Variants in SORCS2 observed in about 807,000 individuals in gnomAD.
SORCS2 encodes the protein VPS10 domain-containing receptor SorCS2.
A neutral mutation model predicts 141.6 loss-of-function variants in SORCS2; 100 were observed. That is an observed-to-expected ratio of 0.71 (90% CI 0.60 to 0.83). SORCS2 has a LOEUF of 0.83. SORCS2 is among the 40% of genes least tolerant of loss of function. The pLI is 0.00. For synonymous variants in SORCS2, 789 were observed against 676.9 expected (o/e 1.17, Z -2.57); for missense variants, 1,646 against 1,560.2 (o/e 1.05, Z -0.93).
intron 3 of SORCS2, among the ~76,000 whole-genome samples, chr4:7,629,874 G>C (rs571507919): frequency 1.3e-5 from 2 of 152,172 alleles, no homozygotes; most frequent in South Asian, 4.2e-4. Context: ...GCAACGCGCT[G>C]TCGGCCACCC....
intron 2 of SORCS2, chr4:7,430,262 CAA>C (rs150192047): frequency 0.018 from 2,656 of 144,748 alleles, 80 homozygotes; most frequent in African/African-American, 0.063. Context: ...AATTATTCAC[CAA>C]AAAAAAAAAA....
At chr4:7,634,535 A>G (rs749376006) in intron 3 of SORCS2, among the ~76,000 whole-genome samples, 3 of 152,248 alleles carry the variant, frequency 2.0e-5, no homozygotes, top group Non-Finnish European at 2.9e-5. Flanking sequence ...ATAAATATTT[A>G]TTAGCTCATA....
At chr4:7,564,724 C>T (rs555909115) in intron 3 of SORCS2, among the ~76,000 whole-genome samples, 24 of 152,344 alleles carry the variant, frequency 1.6e-4, no homozygotes, top group Non-Finnish European at 2.1e-4. Flanking sequence ...CTTGTTTCCA[C>T]GGCAGCCACA....
At position 7,379,554 on chromosome 4, in the gene SORCS2, T is replaced by C. The variant is rs6819290; in HGVS notation, c.481-16734T>C. 3.0e-3 allele frequency among the ~76,000 whole-genome samples: 457 copies of C among 152,314 alleles called. 2 individuals are homozygous for C. Among genetic ancestry groups the C allele is most frequent in the African/African-American group, 0.011 (443 of 41,564 alleles). On this transcript the variant is annotated intron_variant, in intron 1 of 26. Coordinates refer to ENST00000507866, the MANE Select transcript of SORCS2 (RefSeq NM_020777.3). ...GTTCACAAATGAGTTTCTTGTGTTA[T>C]CAGTTCCCCCACTAAACACCCTTCA... is the stretch of plus-strand genomic sequence containing the variant.
chr4:7,502,238 C>A (rs961313425), intron 2 of SORCS2, among the ~76,000 whole-genome samples: 3 of 152,160 alleles, frequency 2.0e-5, no homozygotes, highest in Admixed American at 2.0e-4. Context: ...CCCGTGAGAG[C>A]CGGAGGGAGG....
rs575648085 is a variant in SORCS2, at chr4:7,581,157, A to G, written c.648+49528A>G. Among the ~76,000 whole-genome samples, 8 of 95,248 alleles carry G rather than the reference A, an allele frequency of 8.4e-5. No individual in the cohort carries two copies. In the East Asian group the frequency reaches 2.0e-3, roughly 23 times the overall value. The allele number at this position is 95,248 out of a possible 152,430, so 62.5% of individuals were successfully genotyped here. On this transcript the variant is annotated intron_variant, in intron 3 of 26. Coordinates refer to ENST00000507866, the MANE Select transcript of SORCS2 (RefSeq NM_020777.3). ...CCTGCATATGTCCTTAATTTTTTTG[A>G]AAAAAAAAAAGCTACAATAAGTTTT...
At chr4:7,458,950 C>T (rs184794121) in intron 2 of SORCS2, among the ~76,000 whole-genome samples, 7 of 152,040 alleles carry the variant, frequency 4.6e-5, no homozygotes, top group Non-Finnish European at 1.5e-5. Flanking sequence ...CTGCTGGCTG[C>T]GGGGACTGGG....
At chr4:7,460,508 T>C (rs1163301860) in intron 2 of SORCS2, among the ~76,000 whole-genome samples, 1 of 152,178 alleles carries the variant, frequency 6.6e-6, no homozygotes, top group Non-Finnish European at 1.5e-5. Context: ...AAGCCCACCT[T>C]GCGCCATTGT....
At chr4:7,232,078 G>C (rs1711928762) in intron 1 of SORCS2, among the ~76,000 whole-genome samples, 1 of 152,252 alleles carries the variant, frequency 6.6e-6, no homozygotes, top group African/African-American at 2.4e-5. Context: ...CGGAGTTGCG[G>C]ATGGCTTCTG....
intron 2 of SORCS2, among the ~76,000 whole-genome samples, chr4:7,471,181 A>G (rs1353688871): frequency 2.0e-5 from 3 of 152,320 alleles, no homozygotes; most frequent in Admixed American, 1.3e-4. Flanking sequence ...CCCGCCCGCT[A>G]TCGGGGCCAG....
intron 2 of SORCS2, among the ~76,000 whole-genome samples, chr4:7,525,268 G>C (rs1560355605): frequency 6.6e-6 from 1 of 152,170 alleles, no homozygotes; most frequent in Non-Finnish European, 1.5e-5. Context: ...GTTCTGGGAG[G>C]CTAGACAACA....
At chr4:7,370,342 G>A (rs1722173533) in intron 1 of SORCS2, among the ~76,000 whole-genome samples, 1 of 152,220 alleles carries the variant, frequency 6.6e-6, no homozygotes, top group South Asian at 2.1e-4. Flanking sequence ...GGAGATCTGG[G>A]CCCCTGGGCT....
At chr4:7,365,173 T>G (rs999387867) in intron 1 of SORCS2, among the ~76,000 whole-genome samples, 7 of 152,084 alleles carry the variant, frequency 4.6e-5, no homozygotes, top group Admixed American at 4.6e-4. Context: ...CTACCAGCAG[T>G]GAGAGGCCAC....
intron 1 of SORCS2, among the ~76,000 whole-genome samples, chr4:7,296,908 G>A (rs1577368751): frequency 6.6e-6 from 1 of 152,202 alleles, no homozygotes; most frequent in East Asian, 1.9e-4. Flanking sequence ...CTCTGGCCAA[G>A]GTCCGCGTGC....
At chr4:7,580,098 C>G (rs1716043991) in intron 3 of SORCS2, among the ~76,000 whole-genome samples, 1 of 152,180 alleles carries the variant, frequency 6.6e-6, no homozygotes, top group African/African-American at 2.4e-5. Context: ...AGGCAAAACC[C>G]AGGCTTACTG....
At chr4:7,529,263 C>T (rs79268095) in intron 2 of SORCS2, among the ~76,000 whole-genome samples, 5,015 of 152,200 alleles carry the variant, frequency 0.033, 255 homozygotes, top group African/African-American at 0.11. Context: ...TGCAACCCAG[C>T]GGCCCCACCA....
chr4:7,284,650 G>A lies in SORCS2; in HGVS notation c.480+91524G>A, dbSNP rs73083732. On this transcript the variant is annotated intron_variant, in intron 1 of 26. Transcript: ENST00000507866. Reference sequence around the variant, plus strand: ...ATCCACTCATGTTCTGAAGTCTAGAGGGTGCCATGCCTTGGAGCTCATACA... The same window carrying A: ...ATCCACTCATGTTCTGAAGTCTAGAAGGTGCCATGCCTTGGAGCTCATACA... 4.8e-3 allele frequency among the ~76,000 whole-genome samples: 727 copies of A among 152,320 alleles called. 3 individuals are homozygous for A. The highest frequency in any genetic ancestry group is 0.017 in the African/African-American group (691 of 41,582).
chr4:7,400,070 G>A (rs955370252), intron 2 of SORCS2, among the ~76,000 whole-genome samples: 1 of 152,126 alleles, frequency 6.6e-6, no homozygotes, highest in Non-Finnish European at 1.5e-5. Context: ...AGGTTGGGCT[G>A]GTTAGGACCG....
intron 1 of SORCS2, among the ~76,000 whole-genome samples, chr4:7,235,395 C>T (rs1712197328): frequency 6.6e-6 from 1 of 152,228 alleles, no homozygotes; most frequent in African/African-American, 2.4e-5. Flanking sequence ...TTTTCTAGAG[C>T]AAGAAATGGA....
Sources: gnomAD v4.1 joint callset for allele counts (sites outside exome capture counted in the v4.1 genomes callset) on GRCh38, gnomAD v4.1.1 for gene constraint, MANE v1.5 for transcripts, NCBI Gene and HGNC (gene_info 2026-07-23, HGNC 2026-07-21) for gene names.